Variants in KPNA3 observed in about 807,000 individuals in gnomAD.
KPNA3 encodes the protein importin subunit alpha-4.
In KPNA3, 13 loss-of-function variants were observed where a neutral mutation model predicts 73.8. That is an observed-to-expected ratio of 0.18 (90% CI 0.11 to 0.28). KPNA3 has a LOEUF of 0.28. KPNA3 is among the 10% of genes least tolerant of loss of function. The pLI, the probability that KPNA3 is intolerant of heterozygous loss-of-function variation, is 1.00. For synonymous variants in KPNA3, 186 were observed against 206.9 expected (o/e 0.90, Z 0.87); for missense variants, 360 against 618.1 (o/e 0.58, Z 4.43).
intron 12 of KPNA3, 74 bp downstream of exon 12, chr13:49,709,498 G>T: frequency 2.4e-6 from 3 of 1,225,440 alleles, no homozygotes; most frequent in South Asian, 1.7e-5. Context: ...CATACAAGTA[G>T]CAATAGAAAC....
chr13:49,758,041 G>A (rs756011997), intron 1 of KPNA3, among the ~76,000 whole-genome samples: 2 of 152,046 alleles, frequency 1.3e-5, no homozygotes, highest in Non-Finnish European at 2.9e-5. Flanking sequence ...AGATGCTGAG[G>A]GGGAAGGAAA....
chr13:49,762,370 A>G (rs1182281951), intron 1 of KPNA3, among the ~76,000 whole-genome samples: 1 of 152,226 alleles, frequency 6.6e-6, no homozygotes, highest in Non-Finnish European at 1.5e-5. Context: ...AAGTGTACCC[A>G]ACAGCTCATC....
At chr13:49,777,766 C>T (rs1954909328) in intron 1 of KPNA3, among the ~76,000 whole-genome samples, 1 of 152,008 alleles carries the variant, frequency 6.6e-6, no homozygotes, top group African/African-American at 2.4e-5. Context: ...CCACCTAGGC[C>T]TCTCAAAGTG....
intron 6 of KPNA3, among the ~76,000 whole-genome samples, chr13:49,730,164 C>T (rs1277671468): frequency 1.3e-5 from 2 of 151,994 alleles, no homozygotes; most frequent in Middle Eastern, 3.2e-3. Flanking sequence ...TTCATAGACA[C>T]AGACACACAA....
chr13:49,768,590 T>TAGC, intron 1 of KPNA3, among the ~76,000 whole-genome samples: 1 of 144,864 alleles, frequency 6.9e-6, no homozygotes, highest in African/African-American at 2.6e-5. Context: ...TTTTTTTTTT[T>TAGC]TTTTTTAGCA....
At chr13:49,759,124 T>C (rs1954736958) in intron 1 of KPNA3, among the ~76,000 whole-genome samples, 1 of 152,108 alleles carries the variant, frequency 6.6e-6, no homozygotes, top group South Asian at 2.1e-4. Flanking sequence ...CAAACACACA[T>C]AGATTTCAAT....
chr13:49,715,919 T>A (rs1046090018), intron 10 of KPNA3, among the ~76,000 whole-genome samples: 1 of 152,246 alleles, frequency 6.6e-6, no homozygotes, highest in Non-Finnish European at 1.5e-5. Flanking sequence ...TTAAATAAAC[T>A]GTGTCCACAA....
At chr13:49,708,259 T>C (rs1954226662) in intron 12 of KPNA3, among the ~76,000 whole-genome samples, 1 of 152,200 alleles carries the variant, frequency 6.6e-6, no homozygotes, top group African/African-American at 2.4e-5. Flanking sequence ...CCTCCCAAAG[T>C]GCTGGGATTA....
chr13:49,769,814 A>G (rs550039565), intron 1 of KPNA3, among the ~76,000 whole-genome samples: 1 of 152,288 alleles, frequency 6.6e-6, no homozygotes, highest in South Asian at 2.1e-4. Flanking sequence ...GAACTCTATG[A>G]TTAACATCTC....
chr13:49,710,663 T>C (rs1333725955), intron 11 of KPNA3, among the ~76,000 whole-genome samples: 2 of 152,158 alleles, frequency 1.3e-5, no homozygotes, highest in African/African-American at 4.8e-5. Flanking sequence ...AAGGAGTTCT[T>C]AGATGATATG....
chr13:49,781,240 C>G (rs1330990823), intron 1 of KPNA3, among the ~76,000 whole-genome samples: 1 of 152,172 alleles, frequency 6.6e-6, no homozygotes, highest in Non-Finnish European at 1.5e-5. Context: ...GAAATATTTA[C>G]TTGCTTTCAC....
intron 2 of KPNA3, among the ~76,000 whole-genome samples, chr13:49,745,765 T>C (rs181758959): frequency 1.3e-5 from 2 of 152,002 alleles, no homozygotes; most frequent in African/African-American, 4.8e-5. Flanking sequence ...ATTTATTTTT[T>C]AAAAGATATA....
chr13:49,772,831 A>G (rs969749189), intron 1 of KPNA3, among the ~76,000 whole-genome samples: 1 of 152,036 alleles, frequency 6.6e-6, no homozygotes, highest in Admixed American at 6.6e-5. Context: ...TTAAATACAC[A>G]CTTATATGAC....
intron 1 of KPNA3, among the ~76,000 whole-genome samples, chr13:49,756,400 T>A (rs1954712116): frequency 1.3e-5 from 2 of 151,968 alleles, no homozygotes; most frequent in South Asian, 4.1e-4. Context: ...CTACAGAAAA[T>A]TTAAAAATTA....
intron 1 of KPNA3, 38 bp downstream of exon 1, chr13:49,792,400 C>A (rs772354341): frequency 6.8e-6 from 10 of 1,468,526 alleles, no homozygotes; most frequent in Non-Finnish European, 8.2e-6. Flanking sequence ...GCCGGGCCGG[C>A]GCGGCCAGGC....
intron 1 of KPNA3, among the ~76,000 whole-genome samples, chr13:49,768,226 C>T (rs896089649): frequency 6.7e-6 from 1 of 149,680 alleles, no homozygotes; most frequent in African/African-American, 2.5e-5. Context: ...CTGCAGTGAG[C>T]CAAGATCGCG....
chr13:49,772,283 A>T (rs1302173165), intron 1 of KPNA3, among the ~76,000 whole-genome samples: 3 of 152,226 alleles, frequency 2.0e-5, no homozygotes, highest in Non-Finnish European at 4.4e-5. Flanking sequence ...CATTTACACC[A>T]TTAATATGAC....
At chr13:49,722,156 C>A (rs764153986) in intron 8 of KPNA3, 32 bp from the exon 9 acceptor site, 1 of 1,413,658 alleles carries the variant, frequency 7.1e-7, no homozygotes, top group Non-Finnish European at 9.4e-7. Context: ...TTAAAAAAAA[C>A]TTACATTCAG....
chr13:49,750,346 T>C (rs1322549320), intron 1 of KPNA3, among the ~76,000 whole-genome samples: 1 of 152,254 alleles, frequency 6.6e-6, no homozygotes, highest in African/African-American at 2.4e-5. Flanking sequence ...TATTTACTAT[T>C]TGTCCTTTTA....
Sources: gnomAD v4.1 joint callset for allele counts (sites outside exome capture counted in the v4.1 genomes callset) on GRCh38, gnomAD v4.1.1 for gene constraint, MANE v1.5 for transcripts, NCBI Gene and HGNC (gene_info 2026-07-23, HGNC 2026-07-21) for gene names.